The following FANK1 variants were observed in gnomAD, a reference collection of about 807,000 sequenced individuals.
The protein encoded by FANK1 is fibronectin type III and ankyrin repeat domains 1.
Under a neutral mutation model 45.3 loss-of-function variants are expected in FANK1, and 44 were observed. The ratio of observed to expected loss-of-function variants is 0.97; its 90% CI spans 0.76 to 1.25. The LOEUF (loss-of-function observed/expected upper bound fraction) is 1.25, where lower values mean the gene tolerates loss of function less well. Among genes scored for constraint, FANK1 ranks in the 50% most tolerant of loss-of-function variants. The pLI is 0.00. For missense variants in FANK1, 391 were observed against 424.4 expected (o/e 0.92, Z 0.69); for synonymous variants, 149 against 152.5 (o/e 0.98, Z 0.17).
In FANK1 at chr10:125,913,579, G is replaced by A. The variant is rs139267021; in HGVS notation, c.13+16924G>A. 1.5e-3 allele frequency among the ~76,000 whole-genome samples: 224 copies of A among 152,254 alleles called. 3 individuals are homozygous for A. Among genetic ancestry groups the A allele is most frequent in the African/African-American group, 5.3e-3 (219 of 41,518 alleles). On this transcript the variant is annotated intron_variant, in intron 1 of 10. Transcript: ENST00000368693. ...TCATTGCCACCACTACTTCCAAATAGCATATGTTAACTTTGAGTTAATTTT... is the reference window on the plus strand; with the variant it reads ...TCATTGCCACCACTACTTCCAAATAACATATGTTAACTTTGAGTTAATTTT...
At chr10:125,964,073 A>G (rs1302527908) in intron 1 of FANK1, among the ~76,000 whole-genome samples, 1 of 152,138 alleles carries the variant, frequency 6.6e-6, no homozygotes, top group Non-Finnish European at 1.5e-5. Context: ...CACTTAGCTT[A>G]AGAAACAAAT....
At chr10:126,001,902 A>T (rs1325130714) in intron 6 of FANK1, among the ~76,000 whole-genome samples, 1 of 152,128 alleles carries the variant, frequency 6.6e-6, no homozygotes, top group African/African-American at 2.4e-5. Flanking sequence ...GAGCAAATTC[A>T]ACAGAATCTT....
chr10:125,904,690 T>A (rs1336419374), intron 1 of FANK1, among the ~76,000 whole-genome samples: 1 of 152,116 alleles, frequency 6.6e-6, no homozygotes, highest in African/African-American at 2.4e-5. Context: ...GTGCTGTTTT[T>A]AAAAATGACT....
chr10:125,938,344 C>T (rs921210725), intron 1 of FANK1, among the ~76,000 whole-genome samples: 2 of 151,944 alleles, frequency 1.3e-5, no homozygotes, highest in Admixed American at 1.3e-4. Context: ...CAATGATTGC[C>T]CAGTAGGAAT....
intron 1 of FANK1, among the ~76,000 whole-genome samples, chr10:125,938,153 G>A (rs1948220271): frequency 6.6e-6 from 1 of 152,178 alleles, no homozygotes; most frequent in Non-Finnish European, 1.5e-5. Flanking sequence ...TGTATTCTGG[G>A]ATTGAACAAT....
chr10:125,925,098 A>G (rs113064548), intron 1 of FANK1, among the ~76,000 whole-genome samples: 3 of 151,430 alleles, frequency 2.0e-5, no homozygotes, highest in East Asian at 1.9e-4. Context: ...CTCATGTTCT[A>G]TATGTTTGCA....
At chr10:125,906,899 C>T (rs1945570154) in intron 1 of FANK1, among the ~76,000 whole-genome samples, 1 of 152,134 alleles carries the variant, frequency 6.6e-6, no homozygotes, top group South Asian at 2.1e-4. Flanking sequence ...GCAGTTTCTC[C>T]AGTTATCTAG....
chr10:126,007,642 G>A (rs374157025), intron 7 of FANK1, among the ~76,000 whole-genome samples: 19 of 151,730 alleles, frequency 1.3e-4, no homozygotes, highest in Admixed American at 3.9e-4. Context: ...GTGTGTGTGC[G>A]TGCACGTGCT....
In FANK1 at chr10:125,941,652, T is replaced by C. The variant is rs1056141504; in HGVS notation, c.14-38509T>C. ...AAACCTAGAAATGACCACATGCCCA[T>C]TGTGAGGAGCCTGAGTACATTATGG... On this transcript the variant is annotated intron_variant, in intron 1 of 10. Transcript: ENST00000368693. Among the ~76,000 whole-genome samples the C allele has an allele frequency of 6.6e-5, 10 of 152,212 alleles. No homozygotes were observed. In the South Asian group the frequency reaches 2.1e-3, roughly 31 times the overall value.
intron 1 of FANK1, among the ~76,000 whole-genome samples, chr10:125,950,552 C>A (rs572291223): frequency 0.013 from 1,990 of 152,220 alleles, 41 homozygotes; most frequent in African/African-American, 0.045. Flanking sequence ...AAATGCAAAT[C>A]AAAACCACAA....
At chr10:125,932,770 CT>C (rs1947836159) in intron 1 of FANK1, among the ~76,000 whole-genome samples, 1 of 152,142 alleles carries the variant, frequency 6.6e-6, no homozygotes, top group Non-Finnish European at 1.5e-5. Context: ...ATTGGGCATC[CT>C]TGTCTTGTTC....
rs1953080557 is a variant in FANK1, at chr10:126,005,062, C to T, written c.705+13C>T. 3.1e-6 allele frequency: 5 copies of T among 1,608,318 alleles called. No individual in the cohort carries two copies. The highest frequency in any genetic ancestry group is 1.1e-5 in the South Asian group (1 of 90,632). On this transcript the variant is annotated intron_variant, in intron 7 of 10. Transcript: ENST00000368693. ...GGATGGCTGTGAGGTACGGGACCTG[C>T]CTTGTTAACCACGCACATATCGTTA...
chr10:125,900,124 G>T (rs1489449235), intron 1 of FANK1, among the ~76,000 whole-genome samples: 1 of 152,052 alleles, frequency 6.6e-6, no homozygotes, highest in Non-Finnish European at 1.5e-5. Flanking sequence ...GGCTACCACT[G>T]TTTTACAGAA....
Position 125,966,602 on chromosome 10 carries a change from GAAAT to G in FANK1, c.14-13554_14-13551del, listed in dbSNP as rs1950213350. 5.3e-5 allele frequency among the ~76,000 whole-genome samples: 8 copies of G among 152,160 alleles called. No individual in the cohort carries two copies. The South Asian group carries it at 1.7e-3, about 32-fold the overall frequency. On this transcript the variant is annotated intron_variant, in intron 1 of 10. Transcript: ENST00000368693. ...TGGGTGTAAGTAAACTTTTTCCTTG[GAAAT>G]AAATGTCAAGCAGGATATCTGCTTG...
At chr10:125,962,787 GTTA>G (rs1255917760) in intron 1 of FANK1, among the ~76,000 whole-genome samples, 1 of 151,710 alleles carries the variant, frequency 6.6e-6, no homozygotes, top group Non-Finnish European at 1.5e-5. Flanking sequence ...TTCTGTTACT[GTTA>G]TTTCGTTTCC....
chr10:125,910,016 G>C (rs61870866), intron 1 of FANK1, among the ~76,000 whole-genome samples: 1 of 151,444 alleles, frequency 6.6e-6, no homozygotes, highest in African/African-American at 2.4e-5. Flanking sequence ...CAATGTAAAT[G>C]AATCTCTGTA....
At chr10:125,914,701 C>G (rs903223224) in intron 1 of FANK1, among the ~76,000 whole-genome samples, 1 of 152,136 alleles carries the variant, frequency 6.6e-6, no homozygotes, top group Non-Finnish European at 1.5e-5. Flanking sequence ...CTCCAGAAAA[C>G]TAGTTTTTGC....
At chr10:125,920,789 TA>T (rs1946890664) in intron 1 of FANK1, among the ~76,000 whole-genome samples, 1 of 152,194 alleles carries the variant, frequency 6.6e-6, no homozygotes, top group Admixed American at 6.5e-5. Context: ...TTAAAAGGTT[TA>T]ATATGAGTTT....
chr10:125,979,220 CTTGAT>C (rs1367759313), intron 1 of FANK1, among the ~76,000 whole-genome samples: 1 of 152,068 alleles, frequency 6.6e-6, no homozygotes, highest in Non-Finnish European at 1.5e-5. Context: ...AGGTTGTTTC[CTTGAT>C]TAGTCCCAGT....
Sources: allele counts gnomAD v4.1 joint callset (sites outside exome capture counted in the v4.1 genomes callset), GRCh38; gene constraint gnomAD v4.1.1; transcripts MANE v1.5; gene names NCBI Gene and HGNC (gene_info 2026-07-23, HGNC 2026-07-21).